The following NOL4 variants were observed in gnomAD, a reference collection of about 807,000 sequenced individuals.
NOL4 encodes the protein nucleolar protein 4, also known as cancer/testis antigen 125.
Under a neutral mutation model 75.9 loss-of-function variants are expected in NOL4, and 17 were observed. The ratio of observed to expected loss-of-function variants is 0.22; its 90% CI spans 0.15 to 0.34. NOL4 has a LOEUF of 0.34. Ranked by LOEUF, NOL4 falls within the 10% of genes least tolerant of loss-of-function variation. The probability of loss-of-function intolerance (pLI) is 1.00; values close to 1 mark genes in which losing one functional copy is unlikely to be tolerated. For missense variants in NOL4, 614 were observed against 793.5 expected (o/e 0.77, Z 2.72); for synonymous variants, 292 against 289.9 (o/e 1.01, Z -0.07).
chr18:34,142,687 G>T (rs1053393982), intron 1 of NOL4, among the ~76,000 whole-genome samples: 1 of 152,090 alleles, frequency 6.6e-6, no homozygotes, highest in Non-Finnish European at 1.5e-5. Context: ...GTTGTGGGGT[G>T]GGGGGAGGAT....
intron 1 of NOL4, among the ~76,000 whole-genome samples, chr18:34,149,232 T>C (rs962469940): frequency 1.3e-5 from 2 of 151,606 alleles, no homozygotes; most frequent in African/African-American, 4.8e-5. Flanking sequence ...ATTTTAATGA[T>C]TAAAAATAGG....
intron 1 of NOL4, among the ~76,000 whole-genome samples, chr18:34,193,859 A>G (rs2035101919): frequency 6.6e-6 from 1 of 152,242 alleles, no homozygotes; most frequent in Non-Finnish European, 1.5e-5. Flanking sequence ...GAATGGATAA[A>G]GAAAATGTGG....
intron 5 of NOL4, among the ~76,000 whole-genome samples, chr18:34,060,967 C>A (rs1227057378): frequency 6.6e-6 from 1 of 152,108 alleles, no homozygotes; most frequent in Admixed American, 6.6e-5. Flanking sequence ...TGATGTAGTG[C>A]AAGTCACAAA....
intron 10 of NOL4, among the ~76,000 whole-genome samples, chr18:33,856,699 C>G (rs2062852927): frequency 6.6e-6 from 1 of 151,918 alleles, no homozygotes; most frequent in African/African-American, 2.4e-5. Flanking sequence ...AATTTTTAAA[C>G]AAAGAACAAG....
At chr18:34,218,687 C>CCA (rs147006054) in intron 1 of NOL4, among the ~76,000 whole-genome samples, 3,512 of 152,234 alleles carry the variant, frequency 0.023, 136 homozygotes, top group African/African-American at 0.076. Flanking sequence ...ACAGGATCTC[C>CCA]CAAAGTACTT....
chr18:34,133,167 G>A (rs2080735658), intron 1 of NOL4, among the ~76,000 whole-genome samples: 1 of 151,684 alleles, frequency 6.6e-6, no homozygotes, highest in Non-Finnish European at 1.5e-5. Flanking sequence ...AGCTACTTGG[G>A]AGGCTGAGGC....
chr18:33,866,797 T>G (rs563290702), intron 10 of NOL4, among the ~76,000 whole-genome samples: 1 of 152,298 alleles, frequency 6.6e-6, no homozygotes, highest in East Asian at 1.9e-4. Flanking sequence ...CTTTTTAACT[T>G]AAGCTGAACA....
intron 10 of NOL4, among the ~76,000 whole-genome samples, chr18:33,877,231 C>A (rs2063982538): frequency 2.0e-5 from 3 of 151,680 alleles, no homozygotes; most frequent in Admixed American, 2.0e-4. Flanking sequence ...CATATAAGAA[C>A]CAAAGCAGGA....
intron 6 of NOL4, chr18:34,001,644 T>C (rs1180936063): frequency 6.6e-6 from 1 of 152,136 alleles, no homozygotes; most frequent in Non-Finnish European, 1.5e-5. Flanking sequence ...ACTTTCTACA[T>C]AGAAGAAAAA....
intron 5 of NOL4, among the ~76,000 whole-genome samples, chr18:34,060,500 G>A (rs1336693977): frequency 6.6e-6 from 1 of 152,088 alleles, no homozygotes; most frequent in Non-Finnish European, 1.5e-5. Context: ...AATACTGTAT[G>A]TTATTAATGG....
At chr18:33,893,946 A>G (rs2065247544) in intron 9 of NOL4, among the ~76,000 whole-genome samples, 1 of 152,096 alleles carries the variant, frequency 6.6e-6, no homozygotes, top group South Asian at 2.1e-4. Flanking sequence ...TGCCTTTGCT[A>G]CCTCTAAGAT....
Position 34,087,410 on chromosome 18 carries a change from C to T in NOL4, c.772+6055G>A, listed in dbSNP as rs565022441. 2.6e-5 allele frequency among the ~76,000 whole-genome samples: 4 copies of T among 152,156 alleles called. No homozygotes were observed. The South Asian group carries it at 8.3e-4, about 32-fold the overall frequency. ...TTTCGAGTGTACAAGTCAAGAGATA[C>T]ACAATGTACATATGTGAGCATCATT... is the stretch of plus-strand genomic sequence containing the variant. On this transcript the variant is annotated intron_variant, in intron 5 of 10. Transcript: ENST00000261592.
At chr18:34,103,600 A>G (rs2079136711) in intron 4 of NOL4, among the ~76,000 whole-genome samples, 1 of 152,036 alleles carries the variant, frequency 6.6e-6, no homozygotes, top group African/African-American at 2.4e-5. Context: ...TAACTTTAAA[A>G]TTTACATAAG....
chr18:33,991,547 G>GTGGTGT (rs1240756299), intron 6 of NOL4, among the ~76,000 whole-genome samples: 4 of 151,546 alleles, frequency 2.6e-5, no homozygotes, highest in Non-Finnish European at 4.4e-5. Flanking sequence ...TTTTACAATT[G>GTGGTGT]TGGTGTTGGT....
At chr18:34,035,482 T>C in intron 5 of NOL4, among the ~76,000 whole-genome samples, 1 of 152,070 alleles carries the variant, frequency 6.6e-6, no homozygotes, top group East Asian at 1.9e-4. Context: ...GAGGGAATAT[T>C]ATAGCAATAA....
intron 6 of NOL4, among the ~76,000 whole-genome samples, chr18:33,981,151 A>G (rs980722805): frequency 6.6e-6 from 1 of 152,084 alleles, no homozygotes; most frequent in Non-Finnish European, 1.5e-5. Flanking sequence ...AAACTTTCAA[A>G]ACTGAAAAGC....
intron 10 of NOL4, among the ~76,000 whole-genome samples, chr18:33,866,882 T>G (rs551163926): frequency 9.8e-5 from 15 of 152,290 alleles, no homozygotes; most frequent in African/African-American, 3.6e-4. Context: ...GTATACATTT[T>G]CAAATAACAG....
At chr18:34,060,732 C>T (rs1013243909) in intron 5 of NOL4, among the ~76,000 whole-genome samples, 2 of 152,138 alleles carry the variant, frequency 1.3e-5, no homozygotes, top group Non-Finnish European at 2.9e-5. Flanking sequence ...ATGGACAAAT[C>T]TGTGAGACAA....
chr18:33,874,904 T>C (rs1360346964), intron 10 of NOL4, among the ~76,000 whole-genome samples: 2 of 151,958 alleles, frequency 1.3e-5, no homozygotes, highest in Non-Finnish European at 2.9e-5. Context: ...GAGGAATCAT[T>C]AAAGACAAAA....
Sources: allele counts gnomAD v4.1 joint callset (sites outside exome capture counted in the v4.1 genomes callset), GRCh38; gene constraint gnomAD v4.1.1; transcripts MANE v1.5; gene names NCBI Gene and HGNC (gene_info 2026-07-23, HGNC 2026-07-21).